Variants in RNGTT observed in about 807,000 individuals in gnomAD.
RNGTT encodes the protein RNA guanylyltransferase and 5'-phosphatase.
Under a neutral mutation model 79.3 loss-of-function variants are expected in RNGTT, and 33 were observed. That is an observed-to-expected ratio of 0.42 (90% confidence interval 0.32 to 0.56). The LOEUF is 0.56. Ranked by LOEUF, RNGTT falls within the 20% of genes least tolerant of loss-of-function variation. RNGTT has a pLI of 0.17. For missense variants in RNGTT, 497 were observed against 739.1 expected (o/e 0.67, Z 3.80); for synonymous variants, 222 against 235.9 (o/e 0.94, Z 0.54).
At position 88,664,524 on chromosome 6, in the gene RNGTT, G is replaced by A. The variant is rs188201813; in HGVS notation, c.1506+13829C>T. Among the ~76,000 whole-genome samples the A allele has an allele frequency of 1.4e-4, 21 of 152,284 alleles. No homozygotes were observed. In the East Asian group the frequency reaches 3.1e-3, roughly 22 times the overall value. On this transcript the variant is annotated intron_variant, in intron 14 of 15. Transcript: ENST00000369485. ...CCGCAAAGAAGGTGAATGCCAACCC[G>A]GTGAAATGCTGACCTACTAGCTGCA... is the stretch of plus-strand genomic sequence containing the variant.
At chr6:88,679,076 C>A (rs143150213) in intron 13 of RNGTT, among the ~76,000 whole-genome samples, 76 of 152,134 alleles carry the variant, frequency 5.0e-4, no homozygotes, top group African/African-American at 1.8e-3. Flanking sequence ...GTGAAGATAA[C>A]AAGGATGAAG....
At chr6:88,739,409 T>C (rs951064875) in intron 13 of RNGTT, among the ~76,000 whole-genome samples, 3 of 151,838 alleles carry the variant, frequency 2.0e-5, no homozygotes, top group Non-Finnish European at 2.9e-5. Context: ...AAAACAGCTT[T>C]CCTGTAACAC....
intron 12 of RNGTT, 146 bp from the exon 13 acceptor site, chr6:88,770,020 A>G (rs187486152): frequency 9.0e-6 from 5 of 557,700 alleles, no homozygotes; most frequent in African/African-American, 3.7e-5. Context: ...GTCAGGCTAG[A>G]TATCTACCTT....
intron 13 of RNGTT, among the ~76,000 whole-genome samples, chr6:88,692,861 C>T (rs1775532507): frequency 6.6e-6 from 1 of 151,824 alleles, no homozygotes; most frequent in East Asian, 1.9e-4. Flanking sequence ...AAAAGAAAAT[C>T]TACAGCTGTT....
chr6:88,744,666 A>C (rs1777604889), intron 13 of RNGTT, among the ~76,000 whole-genome samples: 1 of 149,240 alleles, frequency 6.7e-6, no homozygotes, highest in African/African-American at 2.5e-5. Flanking sequence ...ATTACATATG[A>C]ATAGTTTTTT....
intron 1 of RNGTT, among the ~76,000 whole-genome samples, chr6:88,954,160 C>A (rs930951744): frequency 3.3e-5 from 5 of 152,042 alleles, no homozygotes; most frequent in Non-Finnish European, 5.9e-5. Flanking sequence ...ATAGAAATGG[C>A]CCAAATGCTC....
At chr6:88,887,738 C>T (rs2127932529) in intron 8 of RNGTT, among the ~76,000 whole-genome samples, 1 of 152,200 alleles carries the variant, frequency 6.6e-6, no homozygotes, top group South Asian at 2.1e-4. Context: ...AGTTGGATGG[C>T]AGAAACAAGA....
At chr6:88,768,271 G>A (rs535286239) in intron 13 of RNGTT, among the ~76,000 whole-genome samples, 2 of 151,538 alleles carry the variant, frequency 1.3e-5, no homozygotes, top group African/African-American at 2.4e-5. Context: ...CACCATACCC[G>A]GCTAATTTTT....
intron 4 of RNGTT, among the ~76,000 whole-genome samples, chr6:88,914,020 C>T (rs908775172): frequency 6.6e-5 from 10 of 152,048 alleles, no homozygotes; most frequent in African/African-American, 2.4e-4. Flanking sequence ...ATGAAAAACA[C>T]GATTCCATTT....
intron 14 of RNGTT, among the ~76,000 whole-genome samples, chr6:88,644,629 C>G (rs1449938396): frequency 6.6e-6 from 1 of 152,182 alleles, no homozygotes; most frequent in African/African-American, 2.4e-5. Context: ...CTGAATCCAG[C>G]AGCACATCAA....
At chr6:88,730,091 C>G (rs958770670) in intron 13 of RNGTT, among the ~76,000 whole-genome samples, 6 of 152,014 alleles carry the variant, frequency 3.9e-5, no homozygotes, top group Non-Finnish European at 8.8e-5. Context: ...AACAACTAAG[C>G]CAAGACATGT....
chr6:88,818,653 GATAAA>G (rs1194930280), intron 11 of RNGTT, among the ~76,000 whole-genome samples: 1 of 152,152 alleles, frequency 6.6e-6, no homozygotes, highest in Non-Finnish European at 1.5e-5. Context: ...CACAGTTACT[GATAAA>G]ATAAGGCTAT....
chr6:88,925,568 G>A lies in RNGTT; in HGVS notation c.367+3417C>T, dbSNP rs565812538. Reference sequence around the variant, plus strand: ...AAGTCACACCACTGCACTCTAGCCTGGGCAATACGGCAAGACCTTACCTCA... The same window carrying A: ...AAGTCACACCACTGCACTCTAGCCTAGGCAATACGGCAAGACCTTACCTCA... On this transcript the variant is annotated intron_variant, in intron 4 of 15. Transcript: ENST00000369485. 9.9e-5 allele frequency among the ~76,000 whole-genome samples: 15 copies of A among 150,856 alleles called. No individual in the cohort carries two copies. In the Middle Eastern group the frequency reaches 0.01, roughly 104 times the overall value.
At chr6:88,678,235 A>G in intron 14 of RNGTT, 118 bp downstream of exon 14, 5 of 1,415,122 alleles carry the variant, frequency 3.5e-6, no homozygotes, top group Non-Finnish European at 4.7e-6. Flanking sequence ...CACCTGTCTT[A>G]GCCTCCCAAA....
chr6:88,875,445 T>C (rs1018906456), intron 8 of RNGTT, among the ~76,000 whole-genome samples: 8 of 152,072 alleles, frequency 5.3e-5, no homozygotes, highest in Non-Finnish European at 1.2e-4. Context: ...AGAAAAAATA[T>C]ATTTTAAGAC....
chr6:88,734,752 G>A (rs751243801), intron 13 of RNGTT, among the ~76,000 whole-genome samples: 1 of 152,116 alleles, frequency 6.6e-6, no homozygotes, highest in Non-Finnish European at 1.5e-5. Flanking sequence ...TCAGCAGAAA[G>A]TATACTTTGA....
intron 6 of RNGTT, among the ~76,000 whole-genome samples, chr6:88,894,098 A>G (rs1234988173): frequency 1.3e-5 from 2 of 152,212 alleles, no homozygotes; most frequent in Non-Finnish European, 2.9e-5. Flanking sequence ...AAGATTCTAA[A>G]TGTGCAAAAG....
At chr6:88,737,875 C>T (rs1777338087) in intron 13 of RNGTT, among the ~76,000 whole-genome samples, 1 of 152,144 alleles carries the variant, frequency 6.6e-6, no homozygotes, top group Non-Finnish European at 1.5e-5. Context: ...ATATCCTCAA[C>T]AAATTATTAC....
At chr6:88,855,498 CAAA>C (rs34355921) in intron 8 of RNGTT, among the ~76,000 whole-genome samples, 2 of 108,984 alleles carry the variant, frequency 1.8e-5, no homozygotes, top group Non-Finnish European at 1.9e-5. Context: ...TAATCAGTTC[CAAA>C]AAAAAAAAAA....
Sources: allele counts gnomAD v4.1 joint callset (sites outside exome capture counted in the v4.1 genomes callset), GRCh38; gene constraint gnomAD v4.1.1; transcripts MANE v1.5; gene names NCBI Gene and HGNC (gene_info 2026-07-23, HGNC 2026-07-21).